FAF1: variants seen among roughly 807,000 people sequenced by gnomAD.
FAF1 encodes FAS-associated factor 1.
A neutral mutation model predicts 92.5 loss-of-function variants in FAF1; 25 were observed. The observed-to-expected ratio is 0.27, with a 90% CI of 0.20 to 0.38. FAF1 has a LOEUF of 0.38. Ranked by LOEUF, FAF1 falls within the 10% of genes least tolerant of loss-of-function variation. The pLI is 1.00. For missense variants in FAF1, 636 were observed against 793.3 expected (o/e 0.80, Z 2.38); for synonymous variants, 234 against 273.2 (o/e 0.86, Z 1.42).
chr1:50,603,064 C>A (rs1006819004), intron 8 of FAF1, among the ~76,000 whole-genome samples: 1 of 152,040 alleles, frequency 6.6e-6, no homozygotes, highest in Non-Finnish European at 1.5e-5. Flanking sequence ...ACTGGTGAAC[C>A]AAAATTAAAA....
At chr1:50,901,840 G>C (rs1035140734) in intron 1 of FAF1, among the ~76,000 whole-genome samples, 1 of 152,132 alleles carries the variant, frequency 6.6e-6, no homozygotes, top group African/African-American at 2.4e-5. Flanking sequence ...ACTCCAACCT[G>C]AGCAACAGAG....
At position 50,878,272 on chromosome 1, in the gene FAF1, GT is replaced by G. The variant is rs886678231; in HGVS notation, c.46-20276del. On this transcript the variant is annotated intron_variant, in intron 1 of 18. Transcript: ENST00000396153. ...AATGAACTTAGTAAGCATGAAAGTT[GT>G]TTTTGATGAGTTACAGTGTTGTCCA... Among the ~76,000 whole-genome samples the G allele has an allele frequency of 1.1e-4, 17 of 152,294 alleles. No homozygotes were observed. In the South Asian group the frequency reaches 1.2e-3, roughly 11 times the overall value.
Position 50,746,801 on chromosome 1 carries a change from A to G in FAF1, c.368-2026T>C, listed in dbSNP as rs144696218. 3.2e-3 allele frequency among the ~76,000 whole-genome samples: 482 copies of G among 152,336 alleles called. 3 individuals carry two copies. The highest frequency in any genetic ancestry group is 6.8e-3 in the Middle Eastern group (2 of 294). On this transcript the variant is annotated intron_variant, in intron 4 of 18. Coordinates refer to ENST00000396153, the MANE Select transcript of FAF1 (RefSeq NM_007051.3). Reference sequence around the variant, plus strand: ...TCACAGGCATTTCACAGACCTTCACAGCAGCCCCTGCCATCACTGGCCCAG... The same window carrying G: ...TCACAGGCATTTCACAGACCTTCACGGCAGCCCCTGCCATCACTGGCCCAG...
rs1406996309 is a variant in FAF1 at position 50,583,144 on chromosome 1, G to A, written c.1032-445C>T. Among the ~76,000 whole-genome samples, 1 of 151,342 alleles carries A rather than the reference G, an allele frequency of 6.6e-6. No homozygotes were observed. Among genetic ancestry groups the A allele is most frequent in the Non-Finnish European group, 1.5e-5 (1 of 67,778 alleles). The stretch of plus-strand genomic sequence containing the variant: ...AACAATATCATTTACACCAAATTGA[G>A]GATTAAACATTAATTCTCTTTATAT... On this transcript the variant is annotated intron_variant, in intron 11 of 18. Coordinates refer to ENST00000396153, the MANE Select transcript of FAF1 (RefSeq NM_007051.3). This position sits in a 1 kb window ranked among gnomAD's most constrained non-coding sequence, Gnocchi z 4.2.
intron 1 of FAF1, among the ~76,000 whole-genome samples, chr1:50,884,498 G>A (rs1644640950): frequency 6.6e-6 from 1 of 151,028 alleles, no homozygotes; most frequent in Non-Finnish European, 1.5e-5. Flanking sequence ...CTCCAGTCTG[G>A]GCCACAGAGT....
intron 18 of FAF1, among the ~76,000 whole-genome samples, chr1:50,458,687 AAT>A (rs1336708780): frequency 1.3e-5 from 2 of 152,222 alleles, no homozygotes; most frequent in Admixed American, 1.3e-4. Context: ...TGGTTCCCTC[AAT>A]ATGTCTGTGG....
rs2148970328 is a variant in FAF1 at position 50,438,629 on chromosome 1, C to T, written c.*2811G>A. ...CTGTTGTGGAGAGAATTAAGACCCT[C>T]TCCCACATTCAAATGAAAAAGTCTA... is the stretch of plus-strand genomic sequence containing the variant. On this transcript the variant is annotated 3_prime_UTR_variant, in exon 19 of 19. Transcript: ENST00000396153. 1 of 152,326 alleles carries T rather than the reference C, an allele frequency of 6.6e-6. No homozygotes were observed. The highest frequency in any genetic ancestry group is 1.5e-5 in the Non-Finnish European group (1 of 68,034). The allele number at this position is 152,326 out of a possible 1,614,324, so 9.4% of individuals were successfully genotyped here. A position where few individuals can be genotyped will look rare whatever the true frequency, so the allele number is the denominator to read the frequency against.
At chr1:50,496,045 C>CAAA (rs141225922) in intron 15 of FAF1, among the ~76,000 whole-genome samples, 2 of 148,640 alleles carry the variant, frequency 1.3e-5, no homozygotes, top group East Asian at 3.9e-4. Flanking sequence ...AGAATTTAAC[C>CAAA]AAAAAAAAAG....
intron 13 of FAF1, among the ~76,000 whole-genome samples, chr1:50,552,874 C>A (rs182203612): frequency 5.8e-4 from 88 of 152,172 alleles, no homozygotes; most frequent in African/African-American, 2.0e-3. Flanking sequence ...AGTAGGCTTG[C>A]CCAGCATTAT....
rs930791084 is a variant in FAF1 at position 50,439,957 on chromosome 1, T to C, written c.*1483A>G. 6.6e-6 allele frequency: 1 copy of C among 152,148 alleles called. No homozygotes were observed. The highest frequency in any genetic ancestry group is 1.5e-5 in the Non-Finnish European group (1 of 68,050). 9.4% of individuals were successfully genotyped at this position (152,148 alleles called of 1,614,324 possible). On this transcript the variant is annotated 3_prime_UTR_variant, in exon 19 of 19. Transcript: ENST00000396153. ...TCTGGAGAGGTCCCTGGTTGGAGCATCAGAGAAGACACAAGGTGTAATTTT... is the reference window on the plus strand; with the variant it reads ...TCTGGAGAGGTCCCTGGTTGGAGCACCAGAGAAGACACAAGGTGTAATTTT...
chr1:50,544,797 C>T (rs532107900), intron 13 of FAF1, among the ~76,000 whole-genome samples: 3 of 152,090 alleles, frequency 2.0e-5, no homozygotes, highest in East Asian at 3.9e-4. Context: ...CTCAATGAAA[C>T]GCTGACATTT....
At chr1:50,851,545 G>C (rs1644349140) in intron 2 of FAF1, among the ~76,000 whole-genome samples, 1 of 151,964 alleles carries the variant, frequency 6.6e-6, no homozygotes, top group African/African-American at 2.4e-5. Context: ...AGTAGTACTA[G>C]ATATCAAAAA....
chr1:50,802,320 C>A (rs553614594), intron 2 of FAF1, among the ~76,000 whole-genome samples: 1 of 152,136 alleles, frequency 6.6e-6, no homozygotes, highest in African/African-American at 2.4e-5. Flanking sequence ...GAACTCCCAA[C>A]CTCAGGTGAT....
At chr1:50,936,887 G>A (rs1270612745) in intron 1 of FAF1, among the ~76,000 whole-genome samples, 1 of 152,124 alleles carries the variant, frequency 6.6e-6, no homozygotes, top group Non-Finnish European at 1.5e-5. Context: ...TACACTGGGA[G>A]AAACTTGGCA....
intron 1 of FAF1, among the ~76,000 whole-genome samples, chr1:50,863,575 G>T (rs139596706): frequency 7.4e-4 from 113 of 151,998 alleles, no homozygotes; most frequent in Non-Finnish European, 1.1e-3. Flanking sequence ...GAAACAAAAA[G>T]CTGCTTCTTT....
intron 1 of FAF1, among the ~76,000 whole-genome samples, chr1:50,944,058 A>G (rs1480422715): frequency 6.6e-6 from 1 of 152,238 alleles, no homozygotes; most frequent in Non-Finnish European, 1.5e-5. Context: ...CCATTTGTCC[A>G]GGCCATAAGC....
intron 2 of FAF1, among the ~76,000 whole-genome samples, chr1:50,822,774 C>CTTTCTT (rs1553143377): frequency 8.0e-5 from 10 of 125,222 alleles, no homozygotes; most frequent in African/African-American, 2.2e-4. Context: ...TTCTTTCTTT[C>CTTTCTT]TTTTTTTTTT....
chr1:50,620,687 T>C (rs1463811497), intron 8 of FAF1, among the ~76,000 whole-genome samples: 1 of 152,260 alleles, frequency 6.6e-6, no homozygotes, highest in African/African-American at 2.4e-5. Flanking sequence ...TTCTTGCACT[T>C]GGTTTCACAG....
rs112995534 is a variant in FAF1 at position 50,551,535 on chromosome 1, A to G, written c.1269-11807T>C. On this transcript the variant is annotated intron_variant, in intron 13 of 18. Coordinates refer to ENST00000396153, the MANE Select transcript of FAF1 (RefSeq NM_007051.3). ...GCTCACAATACCCACAAAACTTTAA[A>G]AAGTCACTTAGAAAGATGGTTTATG... is the stretch of plus-strand genomic sequence containing the variant. Among the ~76,000 whole-genome samples the G allele has an allele frequency of 2.5e-3, 376 of 152,302 alleles. 3 individuals carry two copies. Among genetic ancestry groups the G allele is most frequent in the African/African-American group, 8.6e-3 (356 of 41,578 alleles).
Sources: allele counts gnomAD v4.1 joint callset (sites outside exome capture counted in the v4.1 genomes callset), GRCh38; gene constraint gnomAD v4.1.1; non-coding constraint Gnocchi (gnomAD v3.1); transcripts MANE v1.5; gene names NCBI Gene and HGNC (gene_info 2026-07-23, HGNC 2026-07-21).